FRMPD1: variants seen among roughly 807,000 people sequenced by gnomAD.
The protein encoded by FRMPD1 is FERM and PDZ domain containing 1.
A neutral mutation model predicts 117.8 loss-of-function variants in FRMPD1; 76 were observed. The observed-to-expected ratio is 0.65, with a 90% confidence interval of 0.54 to 0.78. FRMPD1 has a LOEUF of 0.78. Among genes scored for constraint, FRMPD1 ranks in the 30% least tolerant of loss-of-function variants. FRMPD1 has a pLI of 0.00. For synonymous variants in FRMPD1, 783 were observed against 770.4 expected, an observed-to-expected ratio of 1.02 and a Z score of -0.27; for missense variants, 1,786 against 1,964.5, an observed-to-expected ratio of 0.91 and a Z score of 1.72.
chr9:37,701,494 CGT>C lies in FRMPD1; in HGVS notation c.102-5914_102-5913del, dbSNP rs780466064. Among the ~76,000 whole-genome samples, 3 of 124,932 alleles carry C rather than the reference CGT, an allele frequency of 2.4e-5. No individual in the cohort carries two copies. In the East Asian group the frequency reaches 7.2e-4, roughly 30 times the overall value. The allele number at this position is 124,932 out of a possible 152,430, so 82.0% of individuals were successfully genotyped here. On this transcript the variant is annotated intron_variant, in intron 2 of 15. Coordinates refer to ENST00000377765, the MANE Select transcript of FRMPD1 (RefSeq NM_014907.3). ...AATTGTGTGTGTGTGTGTGTGCGCGCGTGTGTGTGCATGTACGTGTGTGTGTG... is the reference window on the plus strand; with the variant it reads ...AATTGTGTGTGTGTGTGTGTGCGCGCGTGTGTGCATGTACGTGTGTGTGTG...
chr9:37,715,119 A>G (rs1219290507), intron 5 of FRMPD1, among the ~76,000 whole-genome samples: 1 of 152,206 alleles, frequency 6.6e-6, no homozygotes, highest in Non-Finnish European at 1.5e-5. Flanking sequence ...GTAGAATTTT[A>G]TGAAAATGTT....
chr9:37,740,279 G>A lies in FRMPD1; in HGVS notation c.1751G>A (p.Ser584Asn). 6.2e-7 allele frequency: 1 copy of A among 1,613,866 alleles called. No individual in the cohort carries two copies. The change falls in exon 15 of 16, where the codon AGT (serine) becomes AAT (asparagine). Residue 584 changes from serine to asparagine, a missense_variant. Ser to Asn is a conservative substitution (Grantham distance 46, BLOSUM62 1). Transcript: ENST00000377765. This position sits in a 1 kb window ranked among gnomAD's most constrained non-coding sequence, Gnocchi z 4.2. ...TGCGGGGCCAGCAGCACGACAGACA[G>A]TGCCGAGTCCGAGGCGTCCGACTCA... ...STCGASSTTDSAESEASDSAN... is the reference protein window; with the variant it reads ...STCGASSTTDNAESEASDSAN...
At chr9:37,688,133 T>C (rs1292616557) in intron 1 of FRMPD1, among the ~76,000 whole-genome samples, 1 of 151,708 alleles carries the variant, frequency 6.6e-6, no homozygotes, top group Non-Finnish European at 1.5e-5. Context: ...TGATATTTAA[T>C]TTTTAAAATA....
chr9:37,736,296 C>G (rs983982803), intron 13 of FRMPD1, among the ~76,000 whole-genome samples: 1 of 151,748 alleles, frequency 6.6e-6, no homozygotes, highest in African/African-American at 2.4e-5. Context: ...CCACCGCGCC[C>G]GGCCCACCAG....
At chr9:37,737,008 C>T (rs1824164837) in intron 13 of FRMPD1, 88 bp from the exon 14 acceptor site, 6 of 985,458 alleles carry the variant, frequency 6.1e-6, no homozygotes, top group East Asian at 4.8e-5. Context: ...TACCTGGAAT[C>T]TCTCGTTGGT....
At position 37,740,682 on chromosome 9, in the gene FRMPD1, C is replaced by A. The variant is rs574584746; in HGVS notation, c.2154C>A (p.Tyr718Ter). 1.2e-6 allele frequency: 2 copies of A among 1,614,190 alleles called. No homozygotes were observed. Among genetic ancestry groups the A allele is most frequent in the South Asian group, 2.2e-5 (2 of 91,086 alleles). The change falls in exon 15 of 16, where the codon TAC becomes TAA. Residue 718 changes from tyrosine to a stop codon, truncating the protein, a stop_gained. Transcript: ENST00000377765. LOFTEE classifies it high-confidence loss of function. The surrounding 1 kb of genome is among the most constrained non-coding windows in gnomAD (Gnocchi z 4.2). Reference protein sequence around the residue: ...SLCSSVSPASYLSDSSESTAS... With the variant: ...SLCSSVSPAS ...GTTCCAGTGTCTCCCCGGCCAGCTA[C>A]CTGAGTGACAGTTCCGAGAGTACAG...
At chr9:37,646,354 C>G (rs1275116749), upstream of FRMPD1, among the ~76,000 whole-genome samples, 1 of 152,148 alleles carries the variant, frequency 6.6e-6, no homozygotes, top group East Asian at 1.9e-4. Context: ...CTTAGAGGCC[C>G]ATTAAGGAAT....
chr9:37,605,695 T>C, the FRMPD1 span, among the ~76,000 whole-genome samples: 3 of 150,444 alleles, frequency 2.0e-5, no homozygotes, highest in Non-Finnish European at 4.4e-5. Flanking sequence ...TATTTATTTA[T>C]TTATTTATTT....
At chr9:37,706,784 C>T (rs1822719862) in intron 2 of FRMPD1, among the ~76,000 whole-genome samples, 1 of 152,176 alleles carries the variant, frequency 6.6e-6, no homozygotes, top group Non-Finnish European at 1.5e-5. Flanking sequence ...TCACCAAAGA[C>T]AAAATCTTGC....
chr9:37,608,629 C>T, the FRMPD1 span, among the ~76,000 whole-genome samples: 1 of 152,156 alleles, frequency 6.6e-6, no homozygotes, highest in African/African-American at 2.4e-5. Flanking sequence ...AGGCACTTGC[C>T]ACTGTGCCTG....
the FRMPD1 span, among the ~76,000 whole-genome samples, chr9:37,639,888 T>C: frequency 6.6e-6 from 1 of 152,206 alleles, no homozygotes; most frequent in African/African-American, 2.4e-5. Context: ...CCTGGACTCC[T>C]GAGCTCAAGT....
chr9:37,656,675 C>T (rs1820852036), intron 1 of FRMPD1, among the ~76,000 whole-genome samples: 2 of 146,984 alleles, frequency 1.4e-5, no homozygotes, highest in Non-Finnish European at 3.0e-5. Context: ...TTACATTATA[C>T]AGGTTTGCAA....
At chr9:37,697,418 T>A (rs890685146) in intron 2 of FRMPD1, among the ~76,000 whole-genome samples, 27 of 151,250 alleles carry the variant, frequency 1.8e-4, no homozygotes, top group African/African-American at 6.3e-4. Flanking sequence ...AACAAAAAAA[T>A]TAGCCGGGCG....
In FRMPD1 at chr9:37,707,481, A is replaced by G. The variant is rs1822754152; in HGVS notation, c.167A>G (p.His56Arg). The change falls in exon 3 of 16, where the codon CAC (histidine) becomes CGC (arginine). Residue 56 changes from histidine to arginine, a missense_variant. His to Arg is a conservative substitution (Grantham distance 29). Transcript: ENST00000377765. ...ACTCAGACCCTCATCCCTGTGCGAC[A>G]CACAGTAAAGATAGACAAAGACACC... Reference protein sequence around the residue: ...NPTQTLIPVRHTVKIDKDTLL... With the variant: ...NPTQTLIPVRRTVKIDKDTLL... The G allele has an allele frequency of 1.2e-6, 2 of 1,613,854 alleles. No individual in the cohort carries two copies. The highest frequency in any genetic ancestry group is 1.7e-6 in the Non-Finnish European group (2 of 1,179,866).
chr9:37,687,116 C>A (rs1453734665), intron 1 of FRMPD1, among the ~76,000 whole-genome samples: 5 of 152,198 alleles, frequency 3.3e-5, no homozygotes, highest in Non-Finnish European at 7.3e-5. Flanking sequence ...GCAGGCTCCC[C>A]TGGAATACCT....
the FRMPD1 span, chr9:37,636,599 C>T: frequency 2.1e-6 from 2 of 960,812 alleles, no homozygotes; most frequent in Non-Finnish European, 3.0e-6. Context: ...CTCAAATGCC[C>T]CAGGAGAGGA....
At chr9:37,684,080 C>T (rs1588924780) in intron 1 of FRMPD1, among the ~76,000 whole-genome samples, 1 of 143,184 alleles carries the variant, frequency 7.0e-6, no homozygotes, top group Admixed American at 7.0e-5. Context: ...TTGGGGGGAA[C>T]AACAGGTAAT....
At chr9:37,667,701 A>T (rs940739008) in intron 1 of FRMPD1, among the ~76,000 whole-genome samples, 2 of 151,016 alleles carry the variant, frequency 1.3e-5, no homozygotes, top group Non-Finnish European at 3.0e-5. Flanking sequence ...GAAAAAAAAA[A>T]AGAAGGTTAC....
intron 5 of FRMPD1, 29 bp from the exon 6 acceptor site, chr9:37,719,040 C>A: frequency 7.4e-7 from 1 of 1,355,470 alleles, no homozygotes; most frequent in South Asian, 1.2e-5. Flanking sequence ...AAGCACTGTT[C>A]CAAAATGCAT....
Sources: allele counts gnomAD v4.1 joint callset (sites outside exome capture counted in the v4.1 genomes callset), GRCh38; gene constraint gnomAD v4.1.1; non-coding constraint Gnocchi (gnomAD v3.1); transcripts MANE v1.5; gene names NCBI Gene and HGNC (gene_info 2026-07-23, HGNC 2026-07-21).